The following WWOX variants were observed in gnomAD, a reference collection of about 807,000 sequenced individuals.
The protein encoded by WWOX is WW domain-containing oxidoreductase.
WWOX carries 69 observed loss-of-function variants against 46.2 expected under a neutral mutation model. The ratio of observed to expected loss-of-function variants is 1.49; its 90% CI spans 1.23 to 1.82. The LOEUF is 1.82. Ranked by LOEUF, WWOX falls within the 40% of genes most tolerant of loss-of-function variation. WWOX has a pLI of 0.00. For missense variants in WWOX, 919 were observed against 542.6 expected (o/e 1.69, Z -6.89); for synonymous variants, 359 against 202.6 (o/e 1.77, Z -6.56).
intron 8 of WWOX, among the ~76,000 whole-genome samples, chr16:78,594,604 C>T (rs2045439008): frequency 2.0e-5 from 3 of 152,036 alleles, no homozygotes; most frequent in African/African-American, 7.2e-5. Flanking sequence ...CACCTCCTTT[C>T]CTGGTTGTTT....
At chr16:78,706,738 C>A (rs186002203) in intron 8 of WWOX, among the ~76,000 whole-genome samples, 1 of 152,288 alleles carries the variant, frequency 6.6e-6, no homozygotes, top group Non-Finnish European at 1.5e-5. Context: ...ATGGTACTGA[C>A]GCAATTGGCA....
At chr16:79,164,982 A>G (rs1567592530) in intron 8 of WWOX, among the ~76,000 whole-genome samples, 3 of 152,302 alleles carry the variant, frequency 2.0e-5, no homozygotes, top group South Asian at 4.1e-4. Context: ...ATGTATAAAC[A>G]GTAAGTGTAA....
intron 8 of WWOX, among the ~76,000 whole-genome samples, chr16:78,561,803 C>T (rs376700136): frequency 1.2e-4 from 19 of 152,206 alleles, no homozygotes; most frequent in East Asian, 3.9e-4. Flanking sequence ...CAGAGAAGAA[C>T]GCAGGGTTCC....
At chr16:78,357,866 C>T (rs926544818) in intron 5 of WWOX, among the ~76,000 whole-genome samples, 4 of 152,188 alleles carry the variant, frequency 2.6e-5, no homozygotes, top group Non-Finnish European at 5.9e-5. Flanking sequence ...AGTAGCAGAG[C>T]TGGGATTCAA....
chr16:79,028,245 G>A (rs938474387), intron 8 of WWOX, among the ~76,000 whole-genome samples: 6 of 151,822 alleles, frequency 4.0e-5, no homozygotes, highest in East Asian at 1.9e-4. Context: ...CACCACGCCC[G>A]ACTGCTTTAT....
intron 5 of WWOX, among the ~76,000 whole-genome samples, chr16:78,293,663 C>G (rs115621886): frequency 1.3e-5 from 2 of 152,040 alleles, no homozygotes; most frequent in African/African-American, 4.8e-5. Context: ...CACAAAGAAA[C>G]CTTTGTTTTC....
chr16:78,806,447 C>A (rs1047721379), intron 8 of WWOX, among the ~76,000 whole-genome samples: 32 of 152,218 alleles, frequency 2.1e-4, no homozygotes, highest in Non-Finnish European at 4.7e-4. Flanking sequence ...CAGCTTGTCT[C>A]TGCTCCAGCA....
At chr16:78,412,122 C>T (rs1298649816) in intron 6 of WWOX, among the ~76,000 whole-genome samples, 2 of 152,114 alleles carry the variant, frequency 1.3e-5, no homozygotes, top group African/African-American at 4.8e-5. Context: ...TAGGGGATGG[C>T]ACGGTATTTT....
At chr16:78,211,048 T>G (rs2036544584) in intron 5 of WWOX, among the ~76,000 whole-genome samples, 1 of 152,236 alleles carries the variant, frequency 6.6e-6, no homozygotes, top group Non-Finnish European at 1.5e-5. Context: ...TTTTTAGAAT[T>G]GTGGGCAATT....
intron 4 of WWOX, among the ~76,000 whole-genome samples, chr16:78,126,796 AAAACTT>A (rs1452949676): frequency 1.3e-5 from 2 of 152,178 alleles, no homozygotes; most frequent in East Asian, 1.9e-4. Flanking sequence ...AATACCCCAA[AAAACTT>A]AAACTTGTCT....
At chr16:79,028,483 G>A (rs993443366) in intron 8 of WWOX, among the ~76,000 whole-genome samples, 4 of 151,696 alleles carry the variant, frequency 2.6e-5, no homozygotes, top group African/African-American at 9.7e-5. Flanking sequence ...AGCACAAATT[G>A]TAGGCTGCAA....
chr16:78,641,305 A>G (rs1040412436), intron 8 of WWOX, among the ~76,000 whole-genome samples: 1 of 152,048 alleles, frequency 6.6e-6, no homozygotes, highest in Non-Finnish European at 1.5e-5. Context: ...CAAATATGAC[A>G]ATAGGACCCA....
At chr16:78,885,651 C>T in intron 8 of WWOX, among the ~76,000 whole-genome samples, 1 of 152,132 alleles carries the variant, frequency 6.6e-6, no homozygotes, top group Non-Finnish European at 1.5e-5. Context: ...ATTTGGTAGA[C>T]TGGAGAATTT....
chr16:79,192,051 T>G (rs2051147038), intron 8 of WWOX, among the ~76,000 whole-genome samples: 1 of 152,206 alleles, frequency 6.6e-6, no homozygotes. Context: ...AGAGACAATT[T>G]TCTTCTCCTC....
chr16:78,106,218 CTT>C (rs751565293), intron 1 of WWOX, among the ~76,000 whole-genome samples: 3 of 152,144 alleles, frequency 2.0e-5, no homozygotes, highest in Admixed American at 6.5e-5. Context: ...AAGTCCATCT[CTT>C]AACTTTCTTG....
intron 5 of WWOX, among the ~76,000 whole-genome samples, chr16:78,228,339 CTTTTTTTTTTT>C: frequency 9.0e-6 from 1 of 111,304 alleles, no homozygotes; most frequent in East Asian, 2.6e-4. Flanking sequence ...CATATTCTCT[CTTTTTTTTTTT>C]TTTTTTTTTT....
intron 8 of WWOX, chr16:79,004,216 A>C (rs1180028366): frequency 1.3e-5 from 2 of 152,226 alleles, no homozygotes; most frequent in East Asian, 3.9e-4. Context: ...GTGCACCTTC[A>C]GAACCACATC....
intron 8 of WWOX, among the ~76,000 whole-genome samples, chr16:78,860,132 C>G (rs540126343): frequency 1.1e-4 from 17 of 152,280 alleles, no homozygotes; most frequent in African/African-American, 3.9e-4. Flanking sequence ...TGAAGTAGCT[C>G]CCATCCTTAT....
chr16:78,566,362 A>C (rs945487032), intron 8 of WWOX, among the ~76,000 whole-genome samples: 1 of 152,184 alleles, frequency 6.6e-6, no homozygotes, highest in Non-Finnish European at 1.5e-5. Context: ...TGATTCAGAA[A>C]ATAGCAAGTA....
Sources: gnomAD v4.1 joint callset for allele counts (sites outside exome capture counted in the v4.1 genomes callset) on GRCh38, gnomAD v4.1.1 for gene constraint, MANE v1.5 for transcripts, NCBI Gene and HGNC (gene_info 2026-07-23, HGNC 2026-07-21) for gene names.